BICC1: variants seen among roughly 807,000 people sequenced by gnomAD.
BICC1 encodes the protein BicC family RNA binding protein 1.
A neutral mutation model predicts 111.0 loss-of-function variants in BICC1; 43 were observed. That is an observed-to-expected ratio of 0.39 (90% CI 0.30 to 0.50). BICC1 has a LOEUF of 0.50. BICC1 is among the 20% of genes least tolerant of loss of function. The pLI is 0.88. For missense variants in BICC1, 1,091 were observed against 1,203.2 expected (o/e 0.91, Z 1.38); for synonymous variants, 467 against 434.4 (o/e 1.07, Z -0.93).
intron 3 of BICC1, among the ~76,000 whole-genome samples, chr10:58,720,055 T>G (rs974511181): frequency 6.6e-6 from 1 of 152,180 alleles, no homozygotes; most frequent in Non-Finnish European, 1.5e-5. Context: ...CGATGATGAC[T>G]CCAACTCAGC....
At chr10:58,772,871 A>G (rs1339435805) in intron 3 of BICC1, among the ~76,000 whole-genome samples, 1 of 152,244 alleles carries the variant, frequency 6.6e-6, no homozygotes, top group Non-Finnish European at 1.5e-5. Context: ...TGGAACATAC[A>G]AATAAATGCC....
chr10:58,731,157 A>G (rs929746828), intron 3 of BICC1, among the ~76,000 whole-genome samples: 2 of 152,144 alleles, frequency 1.3e-5, no homozygotes, highest in Non-Finnish European at 2.9e-5. Flanking sequence ...ATCATCTCTC[A>G]CAAGTTTAAA....
intron 1 of BICC1, among the ~76,000 whole-genome samples, chr10:58,595,737 G>A (rs1358439859): frequency 1.3e-5 from 2 of 152,090 alleles, no homozygotes; most frequent in African/African-American, 4.8e-5. Flanking sequence ...AAATTTTATA[G>A]CACTATGGCC....
intron 3 of BICC1, among the ~76,000 whole-genome samples, chr10:58,703,377 G>A (rs1840297081): frequency 6.6e-6 from 1 of 151,924 alleles, no homozygotes; most frequent in South Asian, 2.1e-4. Flanking sequence ...GCTCAGGCTG[G>A]TCTTGAACTC....
intron 1 of BICC1, among the ~76,000 whole-genome samples, chr10:58,591,036 T>G (rs1368397185): frequency 6.6e-6 from 1 of 152,328 alleles, no homozygotes; most frequent in South Asian, 2.1e-4. Context: ...AATAGACACT[T>G]CCCAGTTTGG....
intron 1 of BICC1, among the ~76,000 whole-genome samples, chr10:58,600,319 C>G (rs896263254): frequency 6.6e-6 from 1 of 152,072 alleles, no homozygotes; most frequent in African/African-American, 2.4e-5. Flanking sequence ...TTTATAGCCA[C>G]TGAGTAGGTA....
At chr10:58,559,291 G>A (rs779553079) in intron 1 of BICC1, among the ~76,000 whole-genome samples, 10 of 151,848 alleles carry the variant, frequency 6.6e-5, no homozygotes, top group Non-Finnish European at 1.5e-4. Flanking sequence ...AAAAATGGTA[G>A]CATGCTTACT....
chr10:58,773,085 G>A (rs895845979), intron 3 of BICC1, among the ~76,000 whole-genome samples: 1 of 152,208 alleles, frequency 6.6e-6, no homozygotes, highest in African/African-American at 2.4e-5. Context: ...ATGGAGGAGG[G>A]AGACAAGGAG....
intron 3 of BICC1, among the ~76,000 whole-genome samples, chr10:58,780,362 A>G (rs1000795553): frequency 6.6e-6 from 1 of 152,150 alleles, no homozygotes; most frequent in African/African-American, 2.4e-5. Context: ...GAGGTAGTCA[A>G]ACAAGGGATT....
chr10:58,715,180 T>C (rs1840700248), intron 3 of BICC1, among the ~76,000 whole-genome samples: 2 of 152,226 alleles, frequency 1.3e-5, no homozygotes, highest in African/African-American at 4.8e-5. Context: ...ATTATTACAT[T>C]TGTATGCAAC....
intron 19 of BICC1, among the ~76,000 whole-genome samples, chr10:58,819,679 A>G (rs1474878205): frequency 1.3e-5 from 2 of 152,150 alleles, no homozygotes; most frequent in African/African-American, 4.8e-5. Flanking sequence ...CAGTATTGTC[A>G]ACCCTCTGTG....
At chr10:58,545,230 T>C (rs143403836) in intron 1 of BICC1, among the ~76,000 whole-genome samples, 1,861 of 152,302 alleles carry the variant, frequency 0.012, 22 homozygotes, top group South Asian at 0.034. Context: ...GATTAGTCTT[T>C]ACATGTTTTA....
chr10:58,541,339 TAAAC>T (rs762460607), intron 1 of BICC1, among the ~76,000 whole-genome samples: 10 of 152,088 alleles, frequency 6.6e-5, no homozygotes, highest in Non-Finnish European at 7.4e-5. Flanking sequence ...CTAGAACTAA[TAAAC>T]AAATTTAGCA....
In BICC1 at chr10:58,668,389, AT is replaced by A. The variant is rs530917963; in HGVS notation, c.238-33676del. Among the ~76,000 whole-genome samples the A allele has an allele frequency of 1.3e-4, 20 of 151,620 alleles. No individual in the cohort carries two copies. In the East Asian group the frequency reaches 1.7e-3, roughly 13 times the overall value. On this transcript the variant is annotated intron_variant, in intron 2 of 20. Coordinates refer to ENST00000373886, the MANE Select transcript of BICC1 (RefSeq NM_001080512.3). ...GCTTAAAACTTATACTTTTCACTCA[AT>A]TTTTTTTTCCAGATGAATTCACAGT...
Position 58,734,483 on chromosome 10 carries a change from G to A in BICC1, c.307+32340G>A, listed in dbSNP as rs150706885. On this transcript the variant is annotated intron_variant, in intron 3 of 20. Transcript: ENST00000373886. ...TAAATACTTTGCCTCTGCTTACTGC[G>A]TATGTGAACCGAGTGAAGAGGAGCC... Among the ~76,000 whole-genome samples the A allele has an allele frequency of 8.5e-5, 13 of 152,258 alleles. No individual in the cohort carries two copies. The East Asian group carries it at 1.7e-3, about 20-fold the overall frequency.
At position 58,828,722 on chromosome 10, in the gene BICC1, T is replaced by C. The variant is rs767135487; in HGVS notation, c.2795-39T>C. 3 of 1,603,672 alleles carry C rather than the reference T, an allele frequency of 1.9e-6. No individual in the cohort carries two copies. The African/African-American group carries it at 4.0e-5, about 21-fold the overall frequency. The stretch of plus-strand genomic sequence containing the variant: ...CATGTCCTGTAGTATACATAGAACT[T>C]CTCTTGAGCTCCTAACAATTCTCTC... On this transcript the variant is annotated intron_variant, in intron 20 of 20. Transcript: ENST00000373886.
chr10:58,636,546 G>C (rs920258), intron 2 of BICC1, among the ~76,000 whole-genome samples: 151,289 of 152,260 alleles, frequency 0.99, 75,164 homozygotes, highest in Middle Eastern at 1. Flanking sequence ...GATCCAGAGC[G>C]GATGATGATA....
chr10:58,524,578 T>C (rs1012267836), intron 1 of BICC1, among the ~76,000 whole-genome samples: 3 of 152,224 alleles, frequency 2.0e-5, no homozygotes, highest in African/African-American at 4.8e-5. Context: ...GATTAAAGAC[T>C]TAAATATTAG....
intron 15 of BICC1, 133 bp from the exon 16 acceptor site, chr10:58,806,451 T>A: frequency 2.7e-6 from 2 of 734,864 alleles, no homozygotes. Context: ...TCTGTGGCAT[T>A]ATTGTGCAAA....
Sources: allele counts gnomAD v4.1 joint callset (sites outside exome capture counted in the v4.1 genomes callset), GRCh38; gene constraint gnomAD v4.1.1; transcripts MANE v1.5; gene names NCBI Gene and HGNC (gene_info 2026-07-23, HGNC 2026-07-21).